ADAMTS19: variants seen among roughly 807,000 people sequenced by gnomAD.
The protein encoded by ADAMTS19 is ADAM metallopeptidase with thrombospondin type 1 motif 19, also known as A disintegrin and metalloproteinase with thrombospondin motifs 19.
Under a neutral mutation model 153.3 loss-of-function variants are expected in ADAMTS19, and 93 were observed. The observed-to-expected ratio is 0.61, with a 90% confidence interval of 0.51 to 0.72. ADAMTS19 has a LOEUF of 0.72. Ranked by LOEUF, ADAMTS19 falls within the 30% of genes least tolerant of loss-of-function variation. The pLI is 0.00. For missense variants in ADAMTS19, 1,482 were observed against 1,552.1 expected, an observed-to-expected ratio of 0.95 and a Z score of 0.76; for synonymous variants, 600 against 556.6, an observed-to-expected ratio of 1.08 and a Z score of -1.10.
intron 2 of ADAMTS19, among the ~76,000 whole-genome samples, chr5:129,470,898 G>A (rs971290130): frequency 2.0e-5 from 3 of 152,030 alleles, no homozygotes; most frequent in Admixed American, 6.6e-5. Flanking sequence ...ACATTCAAAG[G>A]ATAAACATAA....
chr5:129,507,304 C>A (rs368513907), intron 2 of ADAMTS19, among the ~76,000 whole-genome samples: 1 of 151,884 alleles, frequency 6.6e-6, no homozygotes, highest in East Asian at 1.9e-4. Context: ...TTATTTTTAG[C>A]CTAGATCAAT....
At chr5:129,512,801 A>T (rs1380763463) in intron 3 of ADAMTS19, among the ~76,000 whole-genome samples, 2 of 151,986 alleles carry the variant, frequency 1.3e-5, no homozygotes, top group African/African-American at 4.8e-5. Context: ...TCATTTTATA[A>T]ACTATCCTCC....
chr5:129,461,488 C>T lies in ADAMTS19; in HGVS notation c.478C>T (p.Pro160Ser), dbSNP rs1447864171. The T allele has an allele frequency of 6.7e-6, 10 of 1,491,986 alleles. No homozygotes were observed. The highest frequency in any genetic ancestry group is 5.1e-5 in the South Asian group (4 of 78,904). 92.4% of individuals were successfully genotyped at this position (1,491,986 alleles called of 1,614,324 possible). A position where few individuals can be genotyped will look rare whatever the true frequency, so the allele number is the denominator to read the frequency against. ...PPPQPPPSPPPAQHAEPDGDE... is the reference protein window; with the variant it reads ...PPPQPPPSPPSAQHAEPDGDE... ...CCCGCAGCCGCCCCCGTCCCCGCCC[C>T]CGGCCCAGCATGCCGAGCCGGATGG... is the stretch of plus-strand genomic sequence containing the variant. Residue 160 changes from proline to serine, a missense_variant, in exon 2 of 23, where the codon CCG becomes TCG. This residue lies in a region of ADAMTS19 where 866 missense variants were observed against 827.7 expected (regional missense o/e 1.05). Transcript: ENST00000274487. The surrounding 1 kb of genome is among the most constrained non-coding windows in gnomAD (Gnocchi z 4.6).
intron 2 of ADAMTS19, among the ~76,000 whole-genome samples, chr5:129,477,480 A>T (rs1338008711): frequency 1.3e-5 from 2 of 152,200 alleles, no homozygotes; most frequent in Non-Finnish European, 2.9e-5. Context: ...ATGAAAGAGG[A>T]AAAATAAAGC....
intron 2 of ADAMTS19, among the ~76,000 whole-genome samples, chr5:129,482,749 G>A (rs1434670609): frequency 1.3e-5 from 2 of 152,080 alleles, no homozygotes; most frequent in Non-Finnish European, 2.9e-5. Context: ...GACCATCCCT[G>A]CCATTCTCCT....
intron 2 of ADAMTS19, among the ~76,000 whole-genome samples, chr5:129,501,494 C>G (rs562334257): frequency 6.6e-6 from 1 of 152,244 alleles, no homozygotes; most frequent in Admixed American, 6.6e-5. Flanking sequence ...AGGTGTTATG[C>G]TTGACGTCCA....
Position 129,734,965 on chromosome 5 carries a change from C to T in ADAMTS19, c.3346C>T (p.Arg1116Cys), listed in dbSNP as rs774154487. ...SITCGKGMQS[R>C]VIQCMHKITG... ...TACCTGTGGCAAAGGAATGCAGTCC[C>T]GTGTAATCCAATGCATGCATAAGAT... Residue 1116 changes from arginine (R) to cysteine (C), a missense_variant, in exon 22 of 23, where the codon CGT (arginine) becomes TGT (cysteine). By Grantham distance (180) the Arg-to-Cys change is radical (BLOSUM62 -3). Coordinates refer to ENST00000274487, the MANE Select transcript of ADAMTS19 (RefSeq NM_133638.6). 6 of 1,607,346 alleles carry T rather than the reference C, an allele frequency of 3.7e-6. No individual in the cohort carries two copies. Among genetic ancestry groups the T allele is most frequent in the Non-Finnish European group, 3.4e-6 (4 of 1,177,036 alleles).
At chr5:129,725,002 C>T (rs1486164913) in intron 21 of ADAMTS19, among the ~76,000 whole-genome samples, 3 of 152,096 alleles carry the variant, frequency 2.0e-5, no homozygotes, top group Non-Finnish European at 4.4e-5. Flanking sequence ...TGCCGGCATT[C>T]ACCCATGCAA....
At chr5:129,608,316 G>A (rs539120407) in intron 8 of ADAMTS19, among the ~76,000 whole-genome samples, 1 of 151,598 alleles carries the variant, frequency 6.6e-6, no homozygotes, top group Non-Finnish European at 1.5e-5. Flanking sequence ...AGTAACAGAA[G>A]AATGGTGGTT....
intron 19 of ADAMTS19, among the ~76,000 whole-genome samples, chr5:129,700,800 G>A (rs1755801861): frequency 6.6e-6 from 1 of 151,880 alleles, no homozygotes; most frequent in South Asian, 2.1e-4. Flanking sequence ...AAAGTCTGAT[G>A]GACACTGAGA....
chr5:129,735,842 A>G (rs1325125180), intron 22 of ADAMTS19, among the ~76,000 whole-genome samples: 1 of 152,030 alleles, frequency 6.6e-6, no homozygotes, highest in Non-Finnish European at 1.5e-5. Flanking sequence ...AGCATTTAAC[A>G]GCACTCTTGC....
At chr5:129,490,803 C>T (rs920453997) in intron 2 of ADAMTS19, among the ~76,000 whole-genome samples, 1 of 151,904 alleles carries the variant, frequency 6.6e-6, no homozygotes, top group Non-Finnish European at 1.5e-5. Context: ...TATTTTATAA[C>T]GACTTCATTA....
intron 3 of ADAMTS19, among the ~76,000 whole-genome samples, chr5:129,519,540 T>C (rs1291698447): frequency 2.6e-5 from 4 of 151,988 alleles, no homozygotes; most frequent in Non-Finnish European, 5.9e-5. Context: ...TGCCTAAGAG[T>C]TGCAGTCCTT....
intron 6 of ADAMTS19, among the ~76,000 whole-genome samples, chr5:129,533,806 G>T (rs1224732868): frequency 6.6e-6 from 1 of 151,902 alleles, no homozygotes; most frequent in Non-Finnish European, 1.5e-5. Flanking sequence ...CTTTGTTCTC[G>T]TTGGTTGCAA....
At chr5:129,613,246 C>A (rs1751324097) in intron 8 of ADAMTS19, among the ~76,000 whole-genome samples, 1 of 152,104 alleles carries the variant, frequency 6.6e-6, no homozygotes, top group Non-Finnish European at 1.5e-5. Context: ...TTCTCAGCAC[C>A]ACATCACACT....
At chr5:129,491,572 T>G (rs913758029) in intron 2 of ADAMTS19, among the ~76,000 whole-genome samples, 1 of 152,216 alleles carries the variant, frequency 6.6e-6, no homozygotes, top group Non-Finnish European at 1.5e-5. Flanking sequence ...TATATCAGAA[T>G]TATTTTACAA....
chr5:129,516,345 A>T (rs112000197), intron 3 of ADAMTS19, among the ~76,000 whole-genome samples: 185 of 144,290 alleles, frequency 1.3e-3, no homozygotes, highest in Non-Finnish European at 2.1e-3. Context: ...CTCCTCTTAT[A>T]TATTTTTTGG....
At chr5:129,466,478 T>A (rs1041227893) in intron 2 of ADAMTS19, among the ~76,000 whole-genome samples, 2 of 151,976 alleles carry the variant, frequency 1.3e-5, no homozygotes, top group Admixed American at 6.6e-5. Flanking sequence ...AACAAACTGC[T>A]ATCCATAAAA....
At chr5:129,486,795 A>G (rs1295673204) in intron 2 of ADAMTS19, among the ~76,000 whole-genome samples, 1 of 152,208 alleles carries the variant, frequency 6.6e-6, no homozygotes, top group African/African-American at 2.4e-5. Context: ...AAAAATCAGA[A>G]GCAGGAGGAT....
Sources: gnomAD v4.1 joint callset for allele counts (sites outside exome capture counted in the v4.1 genomes callset) on GRCh38, gnomAD v4.1.1 for gene constraint, gnomAD v4.1.1 regional missense constraint, Gnocchi (gnomAD v3.1) non-coding constraint, MANE v1.5 for transcripts, NCBI Gene and HGNC (gene_info 2026-07-23, HGNC 2026-07-21) for gene names.